Variants in MPPED1 observed in about 807,000 individuals in gnomAD.
MPPED1 encodes metallophosphoesterase domain containing 1.
MPPED1 carries 16 observed loss-of-function variants against 36.2 expected under a neutral mutation model. That is an observed-to-expected ratio of 0.44 (90% CI 0.30 to 0.67). MPPED1 has a LOEUF of 0.67. Ranked by LOEUF, MPPED1 falls within the 30% of genes least tolerant of loss-of-function variation. The probability of loss-of-function intolerance (pLI) is 0.10; values close to 1 mark genes in which losing one functional copy is unlikely to be tolerated. For synonymous variants in MPPED1, 199 were observed against 191.3 expected (o/e 1.04, Z -0.33); for missense variants, 307 against 453.4 (o/e 0.68, Z 2.93).
intron 3 of MPPED1, among the ~76,000 whole-genome samples, chr22:43,441,073 C>G (rs1930132627): frequency 6.6e-6 from 1 of 152,194 alleles, no homozygotes; most frequent in Admixed American, 6.5e-5. Flanking sequence ...ATGCCTCCAT[C>G]TCTCTCATCC....
chr22:43,505,750 C>T lies in MPPED1; in HGVS notation c.*134C>T, dbSNP rs1932797893. The stretch of plus-strand genomic sequence containing the variant: ...ACTGGCCTAGCAGGCAGGTCAGGGC[C>T]TTGGAACGACTCTTTAGCCTTCTGT... On this transcript the variant is annotated 3_prime_UTR_variant, in exon 7 of 7. Coordinates refer to ENST00000443721, the MANE Select transcript of MPPED1 (RefSeq NM_001044370.2). 1 of 674,298 alleles carries T rather than the reference C, an allele frequency of 1.5e-6. No individual in the cohort carries two copies. Among genetic ancestry groups the T allele is most frequent in the Non-Finnish European group, 2.6e-6 (1 of 387,614 alleles). 41.8% of individuals were successfully genotyped at this position (674,298 alleles called of 1,614,324 possible).
In MPPED1 at chr22:43,482,542, G is replaced by T. The variant is rs147287685; in HGVS notation, c.632+7581G>T. 9.2e-4 allele frequency among the ~76,000 whole-genome samples: 140 copies of T among 152,318 alleles called. 1 individual carries two copies. In the South Asian group the frequency reaches 1.0e-2, roughly 11 times the overall value. The stretch of plus-strand genomic sequence containing the variant: ...CATTCTGGAATACACATCCTGGTAC[G>T]TGGCTCCCAGCTGTTTAACCTTGGG... On this transcript the variant is annotated intron_variant, in intron 4 of 6. Coordinates refer to ENST00000443721, the MANE Select transcript of MPPED1 (RefSeq NM_001044370.2).
intron 3 of MPPED1, among the ~76,000 whole-genome samples, chr22:43,444,279 G>T (rs1036575794): frequency 7.0e-6 from 1 of 141,934 alleles, no homozygotes; most frequent in African/African-American, 2.7e-5. Context: ...GACCCACTGG[G>T]GTGTGTGTGT....
At chr22:43,447,862 T>C (rs1930405362) in intron 3 of MPPED1, among the ~76,000 whole-genome samples, 1 of 30,966 alleles carries the variant, frequency 3.2e-5, no homozygotes, top group Non-Finnish European at 7.7e-5. Flanking sequence ...GTAAATATTA[T>C]ATATATATAT....
At chr22:43,491,974 T>C (rs913457034) in intron 4 of MPPED1, among the ~76,000 whole-genome samples, 2 of 148,546 alleles carry the variant, frequency 1.3e-5, no homozygotes, top group Non-Finnish European at 3.0e-5. Context: ...GTGGTGGTAA[T>C]GATTGAGGTG....
intron 3 of MPPED1, among the ~76,000 whole-genome samples, chr22:43,471,598 G>A (rs1298476013): frequency 2.0e-5 from 3 of 152,222 alleles, no homozygotes; most frequent in African/African-American, 2.4e-5. Flanking sequence ...GTCCAGAAGT[G>A]GCCATCTTTC....
In MPPED1 at chr22:43,471,505, C is replaced by G. The variant is rs533356954; in HGVS notation, c.407-3231C>G. Among the ~76,000 whole-genome samples the G allele has an allele frequency of 9.3e-4, 142 of 152,332 alleles. 1 individual carries two copies. Among genetic ancestry groups the G allele is most frequent in the Admixed American group, 2.5e-3 (38 of 15,312 alleles). On this transcript the variant is annotated intron_variant, in intron 3 of 6. Coordinates refer to ENST00000443721, the MANE Select transcript of MPPED1 (RefSeq NM_001044370.2). ...GGTTTCCCAGCCTTTGAGCCTCATT[C>G]TGCTCAGCTGCAAAGAGGAGATAAT...
At position 43,506,618 on chromosome 22, in the gene MPPED1, C is replaced by G. The variant is rs1015002574; in HGVS notation, c.*1002C>G. 37 of 152,222 alleles carry G rather than the reference C, an allele frequency of 2.4e-4. No homozygotes were observed. The highest frequency in any genetic ancestry group is 8.7e-4 in the African/African-American group (36 of 41,452). The allele number at this position is 152,222 out of a possible 1,614,324, so 9.4% of individuals were successfully genotyped here. On this transcript the variant is annotated 3_prime_UTR_variant, in exon 7 of 7. Transcript: ENST00000443721. ...AGGATTCTGTCTGGCATGCCTGCAGCCGAGGAAGCCCAGGACCAGCCGGCC... is the reference window on the plus strand; with the variant it reads ...AGGATTCTGTCTGGCATGCCTGCAGGCGAGGAAGCCCAGGACCAGCCGGCC...
chr22:43,427,954 G>A (rs770830992), intron 2 of MPPED1, among the ~76,000 whole-genome samples: 8 of 152,284 alleles, frequency 5.3e-5, no homozygotes, highest in East Asian at 3.9e-4. Flanking sequence ...AAAACGCTGC[G>A]CACAGTAATG....
intron 5 of MPPED1, among the ~76,000 whole-genome samples, chr22:43,498,913 A>G (rs1363010277): frequency 6.6e-6 from 1 of 152,020 alleles, no homozygotes; most frequent in Non-Finnish European, 1.5e-5. Flanking sequence ...TCATTCCCAC[A>G]GCCTGGCCAT....
At chr22:43,421,596 ACT>A (rs1218795086) in intron 1 of MPPED1, among the ~76,000 whole-genome samples, 1 of 151,904 alleles carries the variant, frequency 6.6e-6, no homozygotes, top group African/African-American at 2.4e-5. Context: ...GGGGGCAGTG[ACT>A]CTTCGGTCTT....
rs1235183088 is a variant in MPPED1 at position 43,502,253 on chromosome 22, G to T, written c.749-391G>T. Among the ~76,000 whole-genome samples the T allele has an allele frequency of 1.3e-5, 2 of 152,060 alleles. No individual in the cohort carries two copies. Among genetic ancestry groups the T allele is most frequent in the Non-Finnish European group, 2.9e-5 (2 of 68,014 alleles). ...TAACCACCAGGGTGCCTGCCCTTGG[G>T]ACTCACCCGTCCCTCTCTGGCCTCC... On this transcript the variant is annotated intron_variant, in intron 5 of 6. Transcript: ENST00000443721. This position sits in a 1 kb window ranked among gnomAD's most constrained non-coding sequence, Gnocchi z 5.5.
Position 43,435,229 on chromosome 22 carries a change from G to A in MPPED1, c.406+14G>A. 1 of 1,598,502 alleles carries A rather than the reference G, an allele frequency of 6.3e-7. No homozygotes were observed. Among genetic ancestry groups the A allele is most frequent in the Non-Finnish European group, 8.5e-7 (1 of 1,177,500 alleles). ...ACGAGTGGCTGGGTAGGTCCCTCCTGCCCCGGGCGGGCGGCTGTGCTGAGC... is the reference window on the plus strand; with the variant it reads ...ACGAGTGGCTGGGTAGGTCCCTCCTACCCCGGGCGGGCGGCTGTGCTGAGC... On this transcript the variant is annotated intron_variant, in intron 3 of 6. Transcript: ENST00000443721.
intron 6 of MPPED1, 60 bp from the exon 7 acceptor site, chr22:43,505,438 C>T (rs1366909904): frequency 6.8e-7 from 1 of 1,480,404 alleles, no homozygotes; most frequent in Admixed American, 2.0e-5. Context: ...ACTGCCACAC[C>T]CCCCTGGCCA....
intron 3 of MPPED1, among the ~76,000 whole-genome samples, chr22:43,461,156 G>GATCCTCA (rs1473248802): frequency 4.6e-5 from 7 of 152,150 alleles, no homozygotes; most frequent in Non-Finnish European, 8.8e-5. Context: ...TTGAGGCCAG[G>GATCCTCA]AGTTTGAGAC....
intron 1 of MPPED1, among the ~76,000 whole-genome samples, chr22:43,414,859 G>A (rs918252923): frequency 6.6e-6 from 1 of 152,098 alleles, no homozygotes; most frequent in Non-Finnish European, 1.5e-5. Flanking sequence ...AGGGTCCTGG[G>A]GCAAAGGGCT....
At chr22:43,487,021 A>G (rs1931933894) in intron 4 of MPPED1, among the ~76,000 whole-genome samples, 1 of 152,100 alleles carries the variant, frequency 6.6e-6, no homozygotes, top group Non-Finnish European at 1.5e-5. Flanking sequence ...TGCAGAGTGA[A>G]GAGGGCTAGT....
chr22:43,462,332 C>G (rs895788970), intron 3 of MPPED1, among the ~76,000 whole-genome samples: 2 of 152,234 alleles, frequency 1.3e-5, no homozygotes, highest in Admixed American at 1.3e-4. Flanking sequence ...GGCTTATGCT[C>G]AAGATAGCAG....
chr22:43,502,152 G>C lies in MPPED1; in HGVS notation c.749-492G>C, dbSNP rs1435531440. Among the ~76,000 whole-genome samples the C allele has an allele frequency of 6.6e-6, 1 of 152,182 alleles. No homozygotes were observed. The highest frequency in any genetic ancestry group is 1.5e-5 in the Non-Finnish European group (1 of 68,036). On this transcript the variant is annotated intron_variant, in intron 5 of 6. Transcript: ENST00000443721. The surrounding 1 kb of genome is among the most constrained non-coding windows in gnomAD (Gnocchi z 5.5). ...CCACGGAGGAAGTTTCTGCTCATGAGTCTGTGCTGTTTAGGAAGTTTCTGA... is the reference window on the plus strand; with the variant it reads ...CCACGGAGGAAGTTTCTGCTCATGACTCTGTGCTGTTTAGGAAGTTTCTGA...
Sources: allele counts gnomAD v4.1 joint callset (sites outside exome capture counted in the v4.1 genomes callset), GRCh38; gene constraint gnomAD v4.1.1; non-coding constraint Gnocchi (gnomAD v3.1); transcripts MANE v1.5; gene names NCBI Gene and HGNC (gene_info 2026-07-23, HGNC 2026-07-21).